The following ERAP2 variants were observed in gnomAD, a reference collection of about 807,000 sequenced individuals.
The protein encoded by ERAP2 is leukocyte-derived arginine aminopeptidase.
A neutral mutation model predicts 111.1 loss-of-function variants in ERAP2; 118 were observed. The ratio of observed to expected loss-of-function variants is 1.06; its 90% CI spans 0.92 to 1.24. ERAP2 has a LOEUF of 1.24. Ranked by LOEUF, ERAP2 falls within the 50% of genes most tolerant of loss-of-function variation. The pLI is 0.00. For missense variants in ERAP2, 1,131 were observed against 1,125.8 expected (o/e 1.00, Z -0.07); for synonymous variants, 410 against 401.2 (o/e 1.02, Z -0.26).
chr5:96,891,499 GTA>G (rs373623665), intron 5 of ERAP2, among the ~76,000 whole-genome samples: 6,985 of 139,942 alleles, frequency 0.05, 234 homozygotes, highest in Middle Eastern at 0.099. Context: ...GTGTGTGTGT[GTA>G]TATATATATA....
At position 96,892,439 on chromosome 5, in the gene ERAP2, G is replaced by T; in HGVS notation, c.1111G>T (p.Glu371Ter). 1 of 1,613,914 alleles carries T rather than the reference G, an allele frequency of 6.2e-7. No individual in the cohort carries two copies. The highest frequency in any genetic ancestry group is 1.1e-5 in the South Asian group (1 of 91,082). The change falls in exon 6 of 19, where the codon GAA becomes TAA. Residue 371 changes from glutamate to a stop codon, truncating the protein, a stop_gained. Transcript: ENST00000437043. LOFTEE classifies it high-confidence loss of function. ...GTGGGTCACCAGAGTCATAGCCCAT[G>T]AACTGGCGCACCAGGTACTTGGCAC... Reference protein sequence around the residue: ...KLWVTRVIAHELAHQWFGNLV... With the variant: ...KLWVTRVIAH
In ERAP2 at chr5:96,892,306, T is replaced by C. The variant is rs1305584223; in HGVS notation, c.978T>C (p.Ile326=). 1 of 1,613,706 alleles carries C rather than the reference T, an allele frequency of 6.2e-7. No individual in the cohort carries two copies. Among genetic ancestry groups the C allele is most frequent in the Non-Finnish European group, 8.5e-7 (1 of 1,179,802 alleles). The part of the protein sequence containing the change: ...IYYPLSKLDL[I]AIPDFAPGAM... ...GTTGTTCTTATTTCTTAGATTTAAT[T>C]GCTATTCCTGACTTTGCACCTGGAG... The change falls in exon 6 of 19, where the codon ATT becomes ATC. Residue 326 remains isoleucine, a synonymous_variant. Transcript: ENST00000437043.
chr5:96,894,089 A>G (rs1784635539), intron 6 of ERAP2, among the ~76,000 whole-genome samples: 1 of 151,662 alleles, frequency 6.6e-6, no homozygotes, highest in African/African-American at 2.4e-5. Context: ...CTACTGGTTG[A>G]CCTCCATCAT....
intron 5 of ERAP2, 181 bp downstream of exon 5, chr5:96,889,486 C>T: frequency 1.4e-6 from 1 of 737,952 alleles, no homozygotes. Context: ...TTATGACATG[C>T]CCCAACAGTG....
At chr5:96,901,278 A>G (rs1561385270) in intron 10 of ERAP2, among the ~76,000 whole-genome samples, 1 of 152,044 alleles carries the variant, frequency 6.6e-6, no homozygotes, top group Non-Finnish European at 1.5e-5. Flanking sequence ...CCATGTATTC[A>G]CCCTACTATA....
At chr5:96,898,144 C>T (rs886994280) in intron 9 of ERAP2, among the ~76,000 whole-genome samples, 2 of 151,706 alleles carry the variant, frequency 1.3e-5, no homozygotes, top group South Asian at 2.1e-4. Flanking sequence ...TGCAGTGAGC[C>T]GAGATTGCAC....
intron 12 of ERAP2, chr5:96,902,946 A>T (rs1785636906): frequency 6.4e-6 from 1 of 155,306 alleles, no homozygotes. Flanking sequence ...TTTCCGTCAC[A>T]AAGTCATGCT....
At position 96,883,780 on chromosome 5, in the gene ERAP2, G is replaced by A; in HGVS notation, c.576-12G>A. 1 of 1,607,788 alleles carries A rather than the reference G, an allele frequency of 6.2e-7. No homozygotes were observed. The highest frequency in any genetic ancestry group is 8.5e-7 in the Non-Finnish European group (1 of 1,177,632). ...ACTTGTGCATTTTGGCTGGGGGTGG[G>A]TCTTTTCACAGAATTCTTGCAGTAA... On this transcript the variant is annotated splice_polypyrimidine_tract_variant and intron_variant, in intron 2 of 18. Transcript: ENST00000437043.
At chr5:96,899,651 T>A (rs1206623491) in intron 9 of ERAP2, among the ~76,000 whole-genome samples, 1 of 152,222 alleles carries the variant, frequency 6.6e-6, no homozygotes, top group Non-Finnish European at 1.5e-5. Flanking sequence ...GCTGTTGTGA[T>A]AGCCACTGTA....
At chr5:96,886,844 G>T in intron 4 of ERAP2, 55 bp downstream of exon 4, 1 of 1,330,482 alleles carries the variant, frequency 7.5e-7, no homozygotes, top group Non-Finnish European at 9.7e-7. Context: ...TGAGAGCAAT[G>T]AACTTTTGTT....
intron 3 of ERAP2, among the ~76,000 whole-genome samples, chr5:96,885,717 G>A (rs115326649): frequency 7.2e-4 from 110 of 152,110 alleles, no homozygotes; most frequent in African/African-American, 2.5e-3. Context: ...GGAAGAGCCT[G>A]TCTAGGAGTT....
chr5:96,884,045 T>G, intron 3 of ERAP2, 115 bp downstream of exon 3: 1 of 356,088 alleles, frequency 2.8e-6, no homozygotes, highest in African/African-American at 2.6e-5. Flanking sequence ...TATCTATCTA[T>G]CTATCTATCT....
At chr5:96,917,331 G>C in intron 18 of ERAP2, 131 bp from the exon 19 acceptor site, 7 of 674,754 alleles carry the variant, frequency 1.0e-5, no homozygotes, top group South Asian at 2.0e-5. Context: ...ATGTTGCCTA[G>C]GCTCGTATTG....
intron 4 of ERAP2, 30 bp downstream of exon 4, chr5:96,886,819 T>C: frequency 7.2e-7 from 1 of 1,379,844 alleles, no homozygotes; most frequent in Non-Finnish European, 9.5e-7. Context: ...TTCTACGCAG[T>C]GCAGAAAAGT....
rs1787710440 is a variant in ERAP2, at chr5:96,918,842, T to A, written c.*1237T>A. On this transcript the variant is annotated 3_prime_UTR_variant, in exon 19 of 19. Transcript: ENST00000437043. ...AAATATTTAGATGCAGCACCATATT[T>A]TATAACCCAGCTTTAGCATTTCTTC... The A allele has an allele frequency of 6.6e-6, 1 of 152,230 alleles. No homozygotes were observed. The highest frequency in any genetic ancestry group is 6.5e-5 in the Admixed American group (1 of 15,284). 9.4% of individuals were successfully genotyped at this position (152,230 alleles called of 1,614,324 possible).
rs139665203 is a variant in ERAP2 at position 96,892,369 on chromosome 5, G to T, written c.1041G>T (p.Thr347=). The change falls in exon 6 of 19, where the codon ACG becomes ACT. Residue 347 remains threonine (T), a synonymous_variant. Coordinates refer to ENST00000437043, the MANE Select transcript of ERAP2 (RefSeq NM_022350.5). ...ENWGLITYRE[T]SLLFDPKTSS... ...GGGGCCTCATTACATATAGGGAGAC[G>T]TCACTGCTTTTTGACCCCAAGACCT... The T allele has an allele frequency of 3.7e-6, 6 of 1,614,002 alleles. No individual in the cohort carries two copies. Among genetic ancestry groups the T allele is most frequent in the Middle Eastern group, 1.7e-4 (1 of 6,060 alleles).
At position 96,918,488 on chromosome 5, in the gene ERAP2, C is replaced by A. The variant is rs1322119100; in HGVS notation, c.*883C>A. 6.6e-6 allele frequency: 1 copy of A among 152,188 alleles called. No homozygotes were observed. The highest frequency in any genetic ancestry group is 2.1e-4 in the South Asian group (1 of 4,832). 9.4% of individuals were successfully genotyped at this position (152,188 alleles called of 1,614,324 possible). On this transcript the variant is annotated 3_prime_UTR_variant, in exon 19 of 19. Transcript: ENST00000437043. The stretch of plus-strand genomic sequence containing the variant: ...GGAAGGCCTTTTGGGTTAAGCCTTA[C>A]ATTCATGAAGAACCTCAAGGGTAGA...
chr5:96,895,295 A>G lies in ERAP2; in HGVS notation c.1175A>G (p.Lys392Arg), dbSNP rs1784766358. The G allele has an allele frequency of 5.6e-6, 9 of 1,613,070 alleles. No individual in the cohort carries two copies. The highest frequency in any genetic ancestry group is 7.6e-6 in the Non-Finnish European group (9 of 1,179,482). ...GAATGGTGGAATGATATTTGGCTTA[A>G]GGAGGGTTTTGCAAAATACATGGAA... is the stretch of plus-strand genomic sequence containing the variant. ...TMEWWNDIWL[K>R]EGFAKYMELI... Residue 392 changes from lysine (K) to arginine (R), a missense_variant, in exon 7 of 19, where the codon AAG becomes AGG. This residue lies in a region of ERAP2 where 847 missense variants were observed against 856.5 expected (regional missense o/e 0.99). Coordinates refer to ENST00000437043, the MANE Select transcript of ERAP2 (RefSeq NM_022350.5).
Position 96,917,336 on chromosome 5 carries a change from G to A in ERAP2, c.2740-126G>A, listed in dbSNP as rs561341099. On this transcript the variant is annotated intron_variant, in intron 18 of 18. Coordinates refer to ENST00000437043, the MANE Select transcript of ERAP2 (RefSeq NM_022350.5). ...GGGTTCTGGCATGTTGCCTAGGCTC[G>A]TATTGAACTCCTGAGCTCAATTGAT... 13 of 712,794 alleles carry A rather than the reference G, an allele frequency of 1.8e-5. No homozygotes were observed. In the East Asian group the frequency reaches 2.0e-4, roughly 11 times the overall value. The allele number at this position is 712,794 out of a possible 1,614,324, so 44.2% of individuals were successfully genotyped here. A position where few individuals can be genotyped will look rare whatever the true frequency, so the allele number is the denominator to read the frequency against.
Sources: allele counts gnomAD v4.1 joint callset (sites outside exome capture counted in the v4.1 genomes callset), GRCh38; gene constraint gnomAD v4.1.1; regional missense constraint gnomAD v4.1.1; transcripts MANE v1.5; gene names NCBI Gene and HGNC (gene_info 2026-07-23, HGNC 2026-07-21).